FABP4: variants seen among roughly 807,000 people sequenced by gnomAD.
The protein encoded by FABP4 is fatty acid-binding protein, adipocyte.
FABP4 carries 17 observed loss-of-function variants against 14.6 expected under a neutral mutation model. The ratio of observed to expected loss-of-function variants is 1.16; its 90% CI spans 0.80 to 1.74. FABP4 has a LOEUF of 1.74. FABP4 is among the 40% of genes most tolerant of loss of function. FABP4 has a pLI of 0.00. For missense variants in FABP4, 149 were observed against 160.3 expected (o/e 0.93, Z 0.38); for synonymous variants, 54 against 54.6 (o/e 0.99, Z 0.05).
rs1379358778 is a variant in FABP4, at chr8:81,479,453, G to A, written c.309C>T (p.Thr103=). 1 of 1,613,368 alleles carries A rather than the reference G, an allele frequency of 6.2e-7. No individual in the cohort carries two copies. The highest frequency in any genetic ancestry group is 1.7e-5 in the Admixed American group (1 of 59,956). The change falls in exon 3 of 4, where the codon ACC becomes ACT. Residue 103 remains threonine, a synonymous_variant. Transcript: ENST00000256104. ...CATCCTCTCGTTTTCTCTTTATGGT[G>A]GTTGATTTTCCATCCCATTTCTGCA... The part of the protein sequence containing the change: ...VHVQKWDGKS[T]TIKRKREDDK...
At chr8:81,479,266 G>T in intron 3 of FABP4, 148 bp downstream of exon 3, 1 of 682,864 alleles carries the variant, frequency 1.5e-6, no homozygotes, top group Non-Finnish European at 2.5e-6. Flanking sequence ...AAGCATGAAG[G>T]GCAAATGCCA....
chr8:81,482,276 G>C (rs1808091334), intron 1 of FABP4, among the ~76,000 whole-genome samples: 1 of 152,104 alleles, frequency 6.6e-6, no homozygotes, highest in South Asian at 2.1e-4. Context: ...CCCCAGTTCT[G>C]ACTTTATTGG....
In FABP4 at chr8:81,478,698, TA is replaced by T. The variant is rs1808008964; in HGVS notation, c.*166del. On this transcript the variant is annotated 3_prime_UTR_variant, in exon 4 of 4. Transcript: ENST00000256104. Reference sequence around the variant, plus strand: ...ACATCATTACATCACCTTCTAAATCTAAAAAAAGTTTATTTAACCAACGTAA... The same window carrying T: ...ACATCATTACATCACCTTCTAAATCTAAAAAAGTTTATTTAACCAACGTAA... 4 of 547,992 alleles carry T rather than the reference TA, an allele frequency of 7.3e-6. No individual in the cohort carries two copies. The highest frequency in any genetic ancestry group is 2.9e-5 in the East Asian group (1 of 34,410). The allele number at this position is 547,992 out of a possible 1,614,324, so 33.9% of individuals were successfully genotyped here. A position where few individuals can be genotyped will look rare whatever the true frequency, so the allele number is the denominator to read the frequency against.
In FABP4 at chr8:81,480,453, T is replaced by C; in HGVS notation, c.219A>G (p.Glu73=). ...ISFILGQEFD[E]VTADDRKVKS... ...TGACTTTCCTGTCATCTGCAGTGAC[T>C]TCGTCAAATTCCTGGCCCAGTATGA... Residue 73 remains glutamate, a synonymous_variant, in exon 2 of 4, where the codon GAA becomes GAG. Transcript: ENST00000256104. 6.2e-7 allele frequency: 1 copy of C among 1,613,724 alleles called. No homozygotes were observed. The highest frequency in any genetic ancestry group is 1.3e-5 in the African/African-American group (1 of 75,006).
Sources: allele counts gnomAD v4.1 joint callset (sites outside exome capture counted in the v4.1 genomes callset), GRCh38; gene constraint gnomAD v4.1.1; transcripts MANE v1.5; gene names NCBI Gene and HGNC (gene_info 2026-07-23, HGNC 2026-07-21).